Variants in CHD8 observed in about 807,000 individuals in gnomAD.
The protein encoded by CHD8 is chromodomain helicase DNA binding protein 8, also known as ATP-dependent chromatin remodeler CHD8.
In CHD8, 31 loss-of-function variants were observed where a neutral mutation model predicts 279.2. The observed-to-expected ratio is 0.11, with a 90% CI of 0.08 to 0.15. The LOEUF (loss-of-function observed/expected upper bound fraction) is 0.15, where lower values mean the gene tolerates loss of function less well. CHD8 is among the 10% of genes least tolerant of loss of function. CHD8 has a pLI of 1.00. For missense variants in CHD8, 2,146 were observed against 3,230.5 expected, an observed-to-expected ratio of 0.66 and a Z score of 8.14; for synonymous variants, 1,081 against 1,139.6, an observed-to-expected ratio of 0.95 and a Z score of 1.04.
chr14:21,433,539 TA>T (rs1453931920), intron 1 of CHD8, among the ~76,000 whole-genome samples: 1 of 152,220 alleles, frequency 6.6e-6, no homozygotes, highest in African/African-American at 2.4e-5. Flanking sequence ...CTTTTCCATA[TA>T]ACCCCCATGC....
rs778725577 is a variant in CHD8 at position 21,408,787 on chromosome 14, T to C, written c.2403A>G (p.Leu801=). 25 of 1,609,688 alleles carry C rather than the reference T, an allele frequency of 1.6e-5. No individual in the cohort carries two copies. Among genetic ancestry groups the C allele is most frequent in the South Asian group, 3.3e-5 (3 of 90,320 alleles). ...GGTTTCTGTTTTTATATTCATGTGATAGCTCCAATTTCTTCCAGGCACTTG... is the reference window on the plus strand; with the variant it reads ...GGTTTCTGTTTTTATATTCATGTGACAGCTCCAATTTCTTCCAGGCACTTG... ...PQASAWKKLE[L]SHEYKNRNQL... The change falls in exon 12 of 38, where the codon CTA becomes CTG. Residue 801 remains leucine, a synonymous_variant. Transcript: ENST00000646647. The surrounding 1 kb of genome is among the most constrained non-coding windows in gnomAD (Gnocchi z 4.3).
Position 21,431,584 on chromosome 14 carries a change from C to A in CHD8, c.60G>T (p.Leu20=). The A allele has an allele frequency of 6.5e-7, 1 of 1,537,160 alleles. No homozygotes were observed. Among genetic ancestry groups the A allele is most frequent in the South Asian group, 1.2e-5 (1 of 84,016 alleles). ...TGACCTGGTTAAAGCTGTCATCAGT[C>A]AGAGAGTCCAGGCCAAATAAATTTG... The part of the protein sequence containing the change: ...DDPNLFGLDS[L]TDDSFNQVTQ... Residue 20 remains leucine, a synonymous_variant, in exon 2 of 38, where the codon CTG becomes CTT. Coordinates refer to ENST00000646647, the MANE Select transcript of CHD8 (RefSeq NM_001170629.2).
chr14:21,395,663 C>A, intron 28 of CHD8, 154 bp downstream of exon 28: 1 of 630,014 alleles, frequency 1.6e-6, no homozygotes, highest in South Asian at 2.0e-5. Context: ...GCATTACAGT[C>A]CTTTCCATTA....
At chr14:21,417,535 G>A (rs866606652) in intron 5 of CHD8, among the ~76,000 whole-genome samples, 4 of 152,098 alleles carry the variant, frequency 2.6e-5, no homozygotes, top group Non-Finnish European at 4.4e-5. Flanking sequence ...GGGCAACACA[G>A]TGAGACCCTG....
chr14:21,403,178 C>T lies in CHD8; in HGVS notation c.3553G>A (p.Gly1185Ser). ...LYERIDGRVR[G>S]NLRQAAIDRF... is the part of the protein sequence containing the mutation. ...TCAATGGCAGCCTGTCGAAGGTTGCCTCTAACTCGCCCATCAATACGTTCA... is the reference window on the plus strand; with the variant it reads ...TCAATGGCAGCCTGTCGAAGGTTGCTTCTAACTCGCCCATCAATACGTTCA... Residue 1185 changes from glycine to serine, a missense_variant, in exon 18 of 38, where the codon GGC (glycine) becomes AGC (serine). Physicochemically the swap from Gly to Ser is moderately conservative, Grantham distance 56. This residue lies in a region of CHD8 where 48 missense variants were observed against 135.7 expected (regional missense o/e 0.35). Coordinates refer to ENST00000646647, the MANE Select transcript of CHD8 (RefSeq NM_001170629.2). This position sits in a 1 kb window ranked among gnomAD's most constrained non-coding sequence, Gnocchi z 4.3. 1 of 1,613,934 alleles carries T rather than the reference C, an allele frequency of 6.2e-7. No homozygotes were observed. The highest frequency in any genetic ancestry group is 8.5e-7 in the Non-Finnish European group (1 of 1,179,866).
intron 5 of CHD8, among the ~76,000 whole-genome samples, chr14:21,418,688 C>A (rs760270368): frequency 3.3e-5 from 5 of 152,076 alleles, no homozygotes; most frequent in Non-Finnish European, 5.9e-5. Flanking sequence ...TGGTGGCAGG[C>A]GCCTGCAGTA....
At chr14:21,390,582 G>A (rs138224556) in intron 37 of CHD8, among the ~76,000 whole-genome samples, 3,306 of 151,990 alleles carry the variant, frequency 0.022, 56 homozygotes, top group Middle Eastern at 0.054. Flanking sequence ...GTTCAAGACC[G>A]GCCTGGCCAA....
chr14:21,388,093 T>G (rs900359796), intron 37 of CHD8, among the ~76,000 whole-genome samples: 1 of 152,226 alleles, frequency 6.6e-6, no homozygotes. Context: ...AACTGAAACA[T>G]TCTCCCATGG....
At chr14:21,455,366 G>C (rs1172367149) in intron 1 of CHD8, among the ~76,000 whole-genome samples, 2 of 152,152 alleles carry the variant, frequency 1.3e-5, no homozygotes, top group African/African-American at 4.8e-5. Flanking sequence ...CCAAAGCAGG[G>C]GGAAGGGTCT....
intron 1 of CHD8, among the ~76,000 whole-genome samples, chr14:21,433,398 T>C (rs1889644763): frequency 6.6e-6 from 1 of 152,130 alleles, no homozygotes; most frequent in African/African-American, 2.4e-5. Context: ...GAAAAAGAAA[T>C]ATCTGTTCTT....
chr14:21,454,175 A>C (rs1330255989), intron 1 of CHD8, among the ~76,000 whole-genome samples: 1 of 127,450 alleles, frequency 7.8e-6, no homozygotes, highest in African/African-American at 4.0e-5. Context: ...AAGAAAAGAA[A>C]AGAAAAGAAA....
At chr14:21,399,741 G>T in intron 25 of CHD8, 36 bp from the exon 26 acceptor site, 2 of 1,398,526 alleles carry the variant, frequency 1.4e-6, no homozygotes, top group South Asian at 2.3e-5. Context: ...GCACAGAAAT[G>T]CAGGAAATTA....
chr14:21,446,147 G>A (rs1224228238), intron 1 of CHD8, among the ~76,000 whole-genome samples: 6 of 152,222 alleles, frequency 3.9e-5, no homozygotes, highest in Admixed American at 6.5e-5. Context: ...AGACAAGATC[G>A]CGCCACTGCA....
chr14:21,452,877 G>A (rs765983045), intron 1 of CHD8, among the ~76,000 whole-genome samples: 36 of 151,678 alleles, frequency 2.4e-4, no homozygotes, highest in South Asian at 2.1e-4. Flanking sequence ...CCAGCTACTC[G>A]GAAGGCTGAG....
At chr14:21,421,791 T>C (rs900904582) in intron 5 of CHD8, among the ~76,000 whole-genome samples, 2 of 152,116 alleles carry the variant, frequency 1.3e-5, no homozygotes, top group Admixed American at 6.5e-5. Flanking sequence ...TATTAGGAAA[T>C]TGGGAATAGG....
At position 21,385,461 on chromosome 14, in the gene CHD8, A is replaced by C; in HGVS notation, c.*152T>G. 5 of 1,236,584 alleles carry C rather than the reference A, an allele frequency of 4.0e-6. No individual in the cohort carries two copies. Among genetic ancestry groups the C allele is most frequent in the African/African-American group, 1.5e-5 (1 of 65,482 alleles). The allele number at this position is 1,236,584 out of a possible 1,614,324, so 76.6% of individuals were successfully genotyped here. A position where few individuals can be genotyped will look rare whatever the true frequency, so the allele number is the denominator to read the frequency against. ...CCCAATCCTCTCATAATTGGGAGCA[A>C]TCAGGTACATTTTTTTTTTTTTTTC... On this transcript the variant is annotated 3_prime_UTR_variant, in exon 38 of 38. Transcript: ENST00000646647.
intron 37 of CHD8, among the ~76,000 whole-genome samples, chr14:21,390,108 C>T (rs1280657443): frequency 2.0e-5 from 3 of 151,990 alleles, no homozygotes; most frequent in Non-Finnish European, 4.4e-5. Context: ...TGGTGGTGCA[C>T]GCCTGCAATC....
At chr14:21,409,363 AGAG>A (rs1395917617) in intron 11 of CHD8, among the ~76,000 whole-genome samples, 13 of 152,180 alleles carry the variant, frequency 8.5e-5, no homozygotes, top group Non-Finnish European at 1.9e-4. Context: ...TAACGGAGGG[AGAG>A]GAGGAGATTA....
intron 28 of CHD8, 65 bp downstream of exon 28, chr14:21,395,752 A>T: frequency 3.3e-6 from 3 of 903,038 alleles, no homozygotes; most frequent in Non-Finnish European, 5.4e-6. Flanking sequence ...AGATTCAGAG[A>T]ATGGTTGAAG....
Sources: gnomAD v4.1 joint callset for allele counts (sites outside exome capture counted in the v4.1 genomes callset) on GRCh38, gnomAD v4.1.1 for gene constraint, gnomAD v4.1.1 regional missense constraint, Gnocchi (gnomAD v3.1) non-coding constraint, MANE v1.5 for transcripts, NCBI Gene and HGNC (gene_info 2026-07-23, HGNC 2026-07-21) for gene names.